Variants in BANK1 observed in about 807,000 individuals in gnomAD.
BANK1 encodes the protein B cell scaffold protein with ankyrin repeats 1.
In BANK1, 95 loss-of-function variants were observed where a neutral mutation model predicts 94.5. The observed-to-expected ratio is 1.00, with a 90% CI of 0.85 to 1.19. BANK1 has a LOEUF of 1.19. BANK1 is among the 50% of genes most tolerant of loss of function. The pLI is 0.00. For missense variants in BANK1, 987 were observed against 932.2 expected, an observed-to-expected ratio of 1.06 and a Z score of -0.77; for synonymous variants, 334 against 308.4, an observed-to-expected ratio of 1.08 and a Z score of -0.87.
chr4:102,001,954 T>G (rs1023385170), intron 7 of BANK1, among the ~76,000 whole-genome samples: 2 of 152,250 alleles, frequency 1.3e-5, no homozygotes, highest in Non-Finnish European at 2.9e-5. Context: ...ATAGGAACAC[T>G]GTGCTTCATT....
intron 7 of BANK1, among the ~76,000 whole-genome samples, chr4:101,971,697 A>G (rs185793685): frequency 8.5e-5 from 13 of 152,226 alleles, no homozygotes; most frequent in African/African-American, 2.9e-4. Context: ...ATTCTTCTGC[A>G]TGTAGCTGCA....
chr4:101,961,298 G>A (rs1291583183), intron 7 of BANK1, among the ~76,000 whole-genome samples: 3 of 152,114 alleles, frequency 2.0e-5, no homozygotes, highest in Non-Finnish European at 4.4e-5. Context: ...TTGTGAGAAG[G>A]AAAAGTTAGC....
chr4:101,929,750 C>G (rs1313122623), intron 7 of BANK1, among the ~76,000 whole-genome samples: 1 of 151,208 alleles, frequency 6.6e-6, no homozygotes, highest in Non-Finnish European at 1.5e-5. Flanking sequence ...TGTTGATAAC[C>G]CTTCCTGGTG....
At chr4:101,845,160 A>T (rs1257087453) in intron 2 of BANK1, among the ~76,000 whole-genome samples, 1 of 152,134 alleles carries the variant, frequency 6.6e-6, no homozygotes, top group Non-Finnish European at 1.5e-5. Flanking sequence ...CCGTTCCATG[A>T]TGTGATTATT....
At chr4:101,827,741 A>G (rs1560590257) in intron 1 of BANK1, among the ~76,000 whole-genome samples, 1 of 151,980 alleles carries the variant, frequency 6.6e-6, no homozygotes, top group South Asian at 2.1e-4. Context: ...ATATAAAACA[A>G]TGATAAAACA....
chr4:101,853,985 G>A (rs896954037), intron 2 of BANK1, among the ~76,000 whole-genome samples: 22 of 152,120 alleles, frequency 1.4e-4, no homozygotes, highest in Non-Finnish European at 4.4e-5. Context: ...GTTCATCATG[G>A]TGACAGAGTG....
chr4:101,950,167 G>A (rs1175565914), intron 7 of BANK1, among the ~76,000 whole-genome samples: 4 of 152,096 alleles, frequency 2.6e-5, no homozygotes, highest in Admixed American at 6.6e-5. Context: ...AATTGATAAA[G>A]TTAGCTGAAG....
chr4:101,817,966 C>G (rs1725983188), intron 1 of BANK1, among the ~76,000 whole-genome samples: 1 of 151,974 alleles, frequency 6.6e-6, no homozygotes, highest in Admixed American at 6.6e-5. Context: ...CATTGGCTGT[C>G]TAGAAAGACG....
At position 101,855,209 on chromosome 4, in the gene BANK1, T is replaced by A; in HGVS notation, c.624+20T>A. On this transcript the variant is annotated intron_variant, in intron 3 of 16. Coordinates refer to ENST00000322953, the MANE Select transcript of BANK1 (RefSeq NM_017935.5). ...TGTGAGGTCAGTAAAGATACCTTGTTATTTAAGTGACCCCATTGTGTTATG... is the reference window on the plus strand; with the variant it reads ...TGTGAGGTCAGTAAAGATACCTTGTAATTTAAGTGACCCCATTGTGTTATG... 6.2e-7 allele frequency: 1 copy of A among 1,604,302 alleles called. No individual in the cohort carries two copies.
chr4:101,945,544 CTT>C (rs917124422), intron 7 of BANK1, among the ~76,000 whole-genome samples: 16 of 151,810 alleles, frequency 1.1e-4, no homozygotes, highest in Non-Finnish European at 2.2e-4. Flanking sequence ...TAAAAAATGA[CTT>C]AGTAGACCAT....
At chr4:101,962,268 T>C (rs2112139) in intron 7 of BANK1, among the ~76,000 whole-genome samples, 122,800 of 152,050 alleles carry the variant, frequency 0.81, 50,227 homozygotes, top group Non-Finnish European at 0.88. Context: ...CACGGCATCA[T>C]GCAGACCAAG....
At chr4:101,919,639 A>C (rs1722937492) in intron 7 of BANK1, among the ~76,000 whole-genome samples, 1 of 152,002 alleles carries the variant, frequency 6.6e-6, no homozygotes, top group Non-Finnish European at 1.5e-5. Context: ...CTAATTTTAC[A>C]GTTATACTTG....
chr4:101,940,599 TTGTG>T (rs1437948784), intron 7 of BANK1, among the ~76,000 whole-genome samples: 1 of 151,928 alleles, frequency 6.6e-6, no homozygotes, highest in Non-Finnish European at 1.5e-5. Flanking sequence ...CAGACTTTCC[TTGTG>T]TTTGATGACT....
intron 2 of BANK1, among the ~76,000 whole-genome samples, chr4:101,834,653 G>A (rs1201887385): frequency 6.6e-6 from 1 of 152,098 alleles, no homozygotes; most frequent in East Asian, 1.9e-4. Context: ...AAAAAAAAAT[G>A]GGTGAAATAG....
At chr4:101,806,866 C>T (rs146062828) in intron 1 of BANK1, among the ~76,000 whole-genome samples, 5 of 152,318 alleles carry the variant, frequency 3.3e-5, no homozygotes, top group South Asian at 2.1e-4. Flanking sequence ...AAGGTGGCTA[C>T]TCCCATCAGG....
In BANK1 at chr4:102,063,154, C is replaced by T. The variant is rs1468176092; in HGVS notation, c.2212+16C>T. The T allele has an allele frequency of 1.2e-6, 2 of 1,601,014 alleles. No homozygotes were observed. The highest frequency in any genetic ancestry group is 2.7e-5 in the African/African-American group (2 of 74,540). The stretch of plus-strand genomic sequence containing the variant: ...AATGTCTATAGTAAGTAAGATTCGC[C>T]TGCTATTCAAAAATAATAGAGTGAT... On this transcript the variant is annotated intron_variant, in intron 13 of 16. Transcript: ENST00000322953.
intron 1 of BANK1, among the ~76,000 whole-genome samples, chr4:101,811,134 G>A (rs1725719455): frequency 6.6e-6 from 1 of 152,138 alleles, no homozygotes; most frequent in Non-Finnish European, 1.5e-5. Context: ...ACTTCTATGA[G>A]TCTTTGTGCT....
intron 7 of BANK1, among the ~76,000 whole-genome samples, chr4:101,962,119 T>C (rs148225349): frequency 1.2e-3 from 182 of 152,302 alleles, no homozygotes; most frequent in Non-Finnish European, 1.9e-3. Context: ...TCTTTTCTTA[T>C]CACACATTCC....
chr4:101,816,184 C>A (rs2043338977), intron 1 of BANK1, among the ~76,000 whole-genome samples: 1 of 152,136 alleles, frequency 6.6e-6, no homozygotes, highest in Non-Finnish European at 1.5e-5. Context: ...GCTTGTTATG[C>A]AGGTATAATT....
Sources: gnomAD v4.1 joint callset for allele counts (sites outside exome capture counted in the v4.1 genomes callset) on GRCh38, gnomAD v4.1.1 for gene constraint, MANE v1.5 for transcripts, NCBI Gene and HGNC (gene_info 2026-07-23, HGNC 2026-07-21) for gene names.